Variants in MYO3A observed in about 807,000 individuals in gnomAD.
MYO3A encodes the protein myosin IIIA, also known as myosin-IIIa.
Under a neutral mutation model 192.7 loss-of-function variants are expected in MYO3A, and 180 were observed. The observed-to-expected ratio is 0.93, with a 90% CI of 0.83 to 1.06. The LOEUF is 1.06. Ranked by LOEUF, MYO3A falls within the 50% of genes least tolerant of loss-of-function variation. The probability of loss-of-function intolerance (pLI) is 0.00; values close to 1 mark genes in which losing one functional copy is unlikely to be tolerated. For missense variants in MYO3A, 1,896 were observed against 1,905.0 expected (o/e 1.00, Z 0.09); for synonymous variants, 628 against 645.3 (o/e 0.97, Z 0.41).
rs573823755 is a variant in MYO3A at position 26,159,988 on chromosome 10, G to C, written c.2999+2473G>C. On this transcript the variant is annotated intron_variant, in intron 26 of 34. Coordinates refer to ENST00000642920, the MANE Select transcript of MYO3A (RefSeq NM_017433.5). Reference sequence around the variant, plus strand: ...TTCTCCATCCTGCTCATGAAAGCAGGTAAACCAAAAATACTAGATACAAAG... The same window carrying C: ...TTCTCCATCCTGCTCATGAAAGCAGCTAAACCAAAAATACTAGATACAAAG... Among the ~76,000 whole-genome samples, 75 of 151,562 alleles carry C rather than the reference G, an allele frequency of 4.9e-4. 1 individual carries two copies. Among genetic ancestry groups the C allele is most frequent in the African/African-American group, 1.5e-3 (63 of 41,230 alleles).
intron 4 of MYO3A, among the ~76,000 whole-genome samples, chr10:25,988,078 A>G (rs138282283): frequency 1.6e-4 from 24 of 152,336 alleles, no homozygotes; most frequent in Admixed American, 1.6e-3. Context: ...GGAGACCATT[A>G]TTCTACATTA....
chr10:26,103,251 G>A (rs1478498741), intron 17 of MYO3A, among the ~76,000 whole-genome samples: 1 of 152,196 alleles, frequency 6.6e-6, no homozygotes, highest in Admixed American at 6.5e-5. Context: ...CACAGTATTA[G>A]GGTGGGAGTG....
At chr10:26,019,989 T>C (rs1450955246) in intron 7 of MYO3A, among the ~76,000 whole-genome samples, 57 of 152,364 alleles carry the variant, frequency 3.7e-4, no homozygotes, top group Non-Finnish European at 2.9e-5. Context: ...TAACAAGCAC[T>C]GTGTATGATG....
intron 10 of MYO3A, among the ~76,000 whole-genome samples, chr10:26,049,771 G>T (rs1843877374): frequency 6.8e-6 from 1 of 147,612 alleles, no homozygotes; most frequent in Non-Finnish European, 1.5e-5. Context: ...TGCCTTCTGG[G>T]TTCAAGCAAT....
chr10:26,000,418 G>C (rs1286923138), intron 6 of MYO3A, among the ~76,000 whole-genome samples: 1 of 152,122 alleles, frequency 6.6e-6, no homozygotes, highest in African/African-American at 2.4e-5. Context: ...GGAAAATAAT[G>C]AACATTTATT....
intron 32 of MYO3A, among the ~76,000 whole-genome samples, chr10:26,198,306 C>T (rs1002372290): frequency 2.0e-5 from 3 of 152,156 alleles, no homozygotes; most frequent in Admixed American, 6.5e-5. Flanking sequence ...GCCGCAGAAG[C>T]GTGCCTGTGG....
intron 20 of MYO3A, among the ~76,000 whole-genome samples, chr10:26,131,073 G>A (rs1425262609): frequency 2.6e-5 from 4 of 152,174 alleles, no homozygotes; most frequent in African/African-American, 4.8e-5. Flanking sequence ...CAAATGATCC[G>A]GCCAGATCTC....
At chr10:26,151,308 CT>C (rs909196458) in intron 23 of MYO3A, among the ~76,000 whole-genome samples, 30 of 150,356 alleles carry the variant, frequency 2.0e-4, no homozygotes, top group Admixed American at 9.3e-4. Context: ...ATTTGTCTCT[CT>C]TTTTTTTTCA....
chr10:26,043,139 G>T (rs1263614960), intron 10 of MYO3A, among the ~76,000 whole-genome samples: 8 of 139,108 alleles, frequency 5.8e-5, no homozygotes, highest in African/African-American at 2.2e-4. Flanking sequence ...TGTACTTTCT[G>T]CCAAACAGAG....
In MYO3A at chr10:26,125,588, G is replaced by GCAA. The variant is rs771095274; in HGVS notation, c.2094_2095insCAA (p.Leu698_Lys699insGln). 8.7e-6 allele frequency: 14 copies of GCAA among 1,613,822 alleles called. No individual in the cohort carries two copies. The highest frequency in any genetic ancestry group is 2.7e-5 in the African/African-American group (2 of 74,920). ...TAGTCAATTGCATTAACAGTTTGTT[G>GCAA]AAGCATGACTCATCACCAAGGTAAA... On this transcript the variant is annotated inframe_insertion, in exon 19 of 35. Transcript: ENST00000642920.
At chr10:25,947,684 C>T (rs944523392) in intron 2 of MYO3A, among the ~76,000 whole-genome samples, 7 of 152,134 alleles carry the variant, frequency 4.6e-5, no homozygotes, top group Middle Eastern at 3.4e-3. Context: ...TGAGCCACTG[C>T]GCCTGGCAAA....
rs549271339 is a variant in MYO3A at position 26,072,202 on chromosome 10, T to C, written c.1359+1801T>C. 9.9e-5 allele frequency among the ~76,000 whole-genome samples: 15 copies of C among 152,212 alleles called. 1 individual carries two copies. Among genetic ancestry groups the C allele is most frequent in the Admixed American group, 9.8e-4 (15 of 15,306 alleles). On this transcript the variant is annotated intron_variant, in intron 14 of 34. Transcript: ENST00000642920. ...TCACCTCCTGTCACCTCCTTTGACATGAGGGGATTACAGGTCCTTCCCTAG... is the reference window on the plus strand; with the variant it reads ...TCACCTCCTGTCACCTCCTTTGACACGAGGGGATTACAGGTCCTTCCCTAG...
chr10:26,172,589 C>T (rs908461948), intron 29 of MYO3A, among the ~76,000 whole-genome samples: 9 of 152,206 alleles, frequency 5.9e-5, no homozygotes, highest in Admixed American at 1.3e-4. Context: ...AGGGACTGCA[C>T]GCTTATCTTC....
chr10:26,043,403 A>C (rs1843465944), intron 10 of MYO3A, among the ~76,000 whole-genome samples: 2 of 152,216 alleles, frequency 1.3e-5, no homozygotes, highest in Non-Finnish European at 2.9e-5. Context: ...AGTTCAGGAC[A>C]GTGAGTTCCC....
chr10:26,008,035 A>C (rs1841354845), intron 6 of MYO3A, among the ~76,000 whole-genome samples: 1 of 149,998 alleles, frequency 6.7e-6, no homozygotes, highest in Non-Finnish European at 1.5e-5. Flanking sequence ...CAAAACACAG[A>C]TATAGATCAA....
intron 10 of MYO3A, among the ~76,000 whole-genome samples, chr10:26,053,598 G>T (rs1361592484): frequency 6.6e-6 from 1 of 152,138 alleles, no homozygotes; most frequent in African/African-American, 2.4e-5. Flanking sequence ...GGCCATGGAG[G>T]GCGGATCGCG....
chr10:25,957,473 A>T (rs1837627326), intron 4 of MYO3A, among the ~76,000 whole-genome samples: 1 of 152,122 alleles, frequency 6.6e-6, no homozygotes, highest in African/African-American at 2.4e-5. Flanking sequence ...CTTTATCAGC[A>T]GTGTGAAAAT....
At chr10:26,098,155 C>G (rs1440954902) in intron 17 of MYO3A, among the ~76,000 whole-genome samples, 1 of 152,208 alleles carries the variant, frequency 6.6e-6, no homozygotes, top group Non-Finnish European at 1.5e-5. Flanking sequence ...ATTTGCATTT[C>G]TCTGATGGCC....
chr10:26,036,461 T>G (rs1046426991), intron 10 of MYO3A, among the ~76,000 whole-genome samples: 2 of 152,186 alleles, frequency 1.3e-5, no homozygotes, highest in African/African-American at 4.8e-5. Context: ...TTTGCCTATG[T>G]TATTAGTAGC....
Sources: gnomAD v4.1 joint callset for allele counts (sites outside exome capture counted in the v4.1 genomes callset) on GRCh38, gnomAD v4.1.1 for gene constraint, MANE v1.5 for transcripts, NCBI Gene and HGNC (gene_info 2026-07-23, HGNC 2026-07-21) for gene names.